The following CNIH3 variants were observed in gnomAD, a reference collection of about 807,000 sequenced individuals.
CNIH3 encodes cornichon family AMPA receptor auxiliary protein 3, also known as protein cornichon homolog 3.
CNIH3 carries 14 observed loss-of-function variants against 24.1 expected under a neutral mutation model. That is an observed-to-expected ratio of 0.58 (90% CI 0.38 to 0.91). The LOEUF (loss-of-function observed/expected upper bound fraction) is 0.91. Among genes scored for constraint, CNIH3 ranks in the 40% least tolerant of loss-of-function variants. The pLI is 0.00. For synonymous variants in CNIH3, 68 were observed against 73.8 expected, an observed-to-expected ratio of 0.92 and a Z score of 0.40; for missense variants, 178 against 196.8, an observed-to-expected ratio of 0.90 and a Z score of 0.57.
chr1:224,592,185 T>G (rs758465876), downstream of CNIH3, among the ~76,000 whole-genome samples: 60 of 152,076 alleles, frequency 3.9e-4, no homozygotes, highest in Admixed American at 1.8e-3. Flanking sequence ...TGTGCATACA[T>G]ATATGTGCAC....
rs1163549484 is a variant in CNIH3 at position 224,739,386 on chromosome 1, G to A, written c.*30G>A. The A allele has an allele frequency of 1.3e-5, 20 of 1,590,298 alleles. No homozygotes were observed. The highest frequency in any genetic ancestry group is 6.8e-5 in the East Asian group (3 of 43,940). On this transcript the variant is annotated 3_prime_UTR_variant, in exon 6 of 6. Transcript: ENST00000272133. ...AAGACCATGCACATCATCAGAGACTGAGATGGGAGAGGCCTGAGACGGAGA... is the reference window on the plus strand; with the variant it reads ...AAGACCATGCACATCATCAGAGACTAAGATGGGAGAGGCCTGAGACGGAGA...
At chr1:224,534,720 A>G (rs1035890413) in intron 2 of CNIH3, among the ~76,000 whole-genome samples, 1 of 152,208 alleles carries the variant, frequency 6.6e-6, no homozygotes, top group African/African-American at 2.4e-5. Flanking sequence ...CATAGCTGCT[A>G]TGATCATATA....
intron 3 of CNIH3, among the ~76,000 whole-genome samples, chr1:224,690,799 C>T (rs1350909553): frequency 1.3e-5 from 2 of 152,102 alleles, no homozygotes; most frequent in Admixed American, 6.6e-5. Context: ...GTGAGTGGGC[C>T]ATTGAGTTTA....
At chr1:224,625,572 A>AT (rs1434698252) in intron 1 of CNIH3, among the ~76,000 whole-genome samples, 5 of 152,250 alleles carry the variant, frequency 3.3e-5, no homozygotes, top group Non-Finnish European at 5.9e-5. Context: ...AAAAAAGCAC[A>AT]TTTTTGGGCT....
chr1:224,732,487 G>T (rs935414140), intron 4 of CNIH3, among the ~76,000 whole-genome samples: 3 of 152,178 alleles, frequency 2.0e-5, no homozygotes, highest in African/African-American at 7.2e-5. Flanking sequence ...TTCATTTTCT[G>T]TGTTTGATAC....
chr1:224,735,004 A>T (rs1689522993), intron 5 of CNIH3, among the ~76,000 whole-genome samples: 1 of 151,684 alleles, frequency 6.6e-6, no homozygotes, highest in African/African-American at 2.4e-5. Context: ...GCAGTTGGCT[A>T]CTCCTTCTTC....
At chr1:224,663,231 C>T (rs1015229310) in intron 1 of CNIH3, among the ~76,000 whole-genome samples, 9 of 152,122 alleles carry the variant, frequency 5.9e-5, no homozygotes, top group Non-Finnish European at 1.3e-4. Context: ...TCAGGCCATT[C>T]GGGGTGGTAT....
chr1:224,531,074 C>T (rs532179991), intron 2 of CNIH3, among the ~76,000 whole-genome samples: 2 of 152,324 alleles, frequency 1.3e-5, no homozygotes, highest in Non-Finnish European at 2.9e-5. Flanking sequence ...TTCCAATTTC[C>T]TCTTCCTATC....
intron 2 of CNIH3, among the ~76,000 whole-genome samples, chr1:224,535,550 A>G (rs1431073689): frequency 1.3e-5 from 2 of 152,244 alleles, no homozygotes; most frequent in East Asian, 1.9e-4. Context: ...GAATTGACTT[A>G]GCAAATTAAT....
chr1:224,671,989 A>C (rs1023820399), intron 1 of CNIH3, among the ~76,000 whole-genome samples: 1 of 151,942 alleles, frequency 6.6e-6, no homozygotes, highest in African/African-American at 2.4e-5. Flanking sequence ...GCATAAAACT[A>C]GGACTAGATA....
At chr1:224,441,095 C>T (rs1674890804) in intron 1 of CNIH3, among the ~76,000 whole-genome samples, 1 of 152,144 alleles carries the variant, frequency 6.6e-6, no homozygotes, top group African/African-American at 2.4e-5. Context: ...GGATTACAGG[C>T]GTGAGCCACC....
At chr1:224,448,256 A>AAC (rs1553253377) in intron 1 of CNIH3, among the ~76,000 whole-genome samples, 3 of 151,938 alleles carry the variant, frequency 2.0e-5, no homozygotes, top group Non-Finnish European at 2.9e-5. Context: ...ACACAAAAAA[A>AAC]ATCAGAAATA....
intron 5 of CNIH3, among the ~76,000 whole-genome samples, chr1:224,586,484 C>A (rs193174063): frequency 6.0e-4 from 92 of 152,240 alleles, no homozygotes; most frequent in Admixed American, 2.2e-3. Context: ...GGGTCCCTCC[C>A]ACAACATGTG....
chr1:224,484,161 A>G lies in CNIH3; in HGVS notation n.204-31580A>G, dbSNP rs1385347054. On this transcript the variant is annotated intron_variant and non_coding_transcript_variant, in intron 1 of 5. Transcript: ENST00000471578. Reference sequence around the variant, plus strand: ...ACTCTAGCCTGGGCAACAAGAGCAAAACTCTGTCTCAAAAAAAAAAAAAAA... The same window carrying G: ...ACTCTAGCCTGGGCAACAAGAGCAAGACTCTGTCTCAAAAAAAAAAAAAAA... Among the ~76,000 whole-genome samples the G allele has an allele frequency of 2.0e-3, 258 of 131,358 alleles. 1 individual carries two copies. The highest frequency in any genetic ancestry group is 6.9e-3 in the African/African-American group (246 of 35,818). 86.2% of individuals were successfully genotyped at this position (131,358 alleles called of 152,430 possible). A position where few individuals can be genotyped will look rare whatever the true frequency, so the allele number is the denominator to read the frequency against.
intron 3 of CNIH3, among the ~76,000 whole-genome samples, chr1:224,716,371 C>T (rs986114286): frequency 6.6e-6 from 1 of 152,202 alleles, no homozygotes; most frequent in East Asian, 1.9e-4. Context: ...TATAACTTCA[C>T]GCAGGCAAGG....
At chr1:224,587,026 C>T (rs1295570891) in intron 5 of CNIH3, 2 of 152,220 alleles carry the variant, frequency 1.3e-5, no homozygotes, top group African/African-American at 4.8e-5. Context: ...TTTGGAGCCA[C>T]CCAGTTAGTG....
chr1:224,636,379 C>T (rs184054197), intron 1 of CNIH3, among the ~76,000 whole-genome samples: 1 of 152,252 alleles, frequency 6.6e-6, no homozygotes, highest in Non-Finnish European at 1.5e-5. Context: ...GATACTTTAA[C>T]CTAGAGAGGT....
At chr1:224,580,291 C>T (rs1681215501) in intron 4 of CNIH3, among the ~76,000 whole-genome samples, 1 of 152,166 alleles carries the variant, frequency 6.6e-6, no homozygotes, top group African/African-American at 2.4e-5. Flanking sequence ...AGCCACTCAT[C>T]CATCTGCTTT....
chr1:224,564,949 G>C (rs186754811), intron 3 of CNIH3, among the ~76,000 whole-genome samples: 3 of 152,244 alleles, frequency 2.0e-5, no homozygotes, highest in Non-Finnish European at 4.4e-5. Flanking sequence ...CCAGACAGAT[G>C]GTGGGCAGCT....
Sources: allele counts gnomAD v4.1 joint callset (sites outside exome capture counted in the v4.1 genomes callset), GRCh38; gene constraint gnomAD v4.1.1; transcripts MANE v1.5; gene names NCBI Gene and HGNC (gene_info 2026-07-23, HGNC 2026-07-21).